Variants in WNK3 observed in about 807,000 individuals in gnomAD.
The protein encoded by WNK3 is serine/threonine-protein kinase WNK3.
A neutral mutation model predicts 116.7 loss-of-function variants in WNK3; 18 were observed. The observed-to-expected ratio is 0.15, with a 90% confidence interval of 0.11 to 0.23. The LOEUF (loss-of-function observed/expected upper bound fraction) is 0.23, where lower values mean the gene tolerates loss of function less well. WNK3 is among the 10% of genes least tolerant of loss of function. WNK3 has a pLI of 1.00. For synonymous variants in WNK3, 404 were observed against 469.4 expected (o/e 0.86, Z 1.80); for missense variants, 993 against 1,323.8 (o/e 0.75, Z 3.88).
At chrX:54,312,605 T>C (rs782765888) in intron 2 of WNK3, among the ~76,000 whole-genome samples, 4 of 109,443 alleles carry the variant, frequency 3.7e-5, no homozygotes, top group African/African-American at 1.3e-4. Context: ...GCCCGGCTAA[T>C]TTTTGTATTT....
chrX:54,223,816 G>A, intron 22 of WNK3: 1 of 134,098 alleles, frequency 7.5e-6, no homozygotes, highest in Non-Finnish European at 1.5e-5. Flanking sequence ...CTTCCTGCCT[G>A]CCCTGCATCA....
At chrX:54,281,315 T>A (rs1168511970) in intron 10 of WNK3, among the ~76,000 whole-genome samples, 1 of 109,933 alleles carries the variant, frequency 9.1e-6, no homozygotes, top group Non-Finnish European at 1.9e-5. Flanking sequence ...TGAAATCCCA[T>A]CTCTACTAAA....
chrX:54,226,812 C>T (rs1380785091), intron 22 of WNK3, among the ~76,000 whole-genome samples: 1 of 111,970 alleles, frequency 8.9e-6, no homozygotes, highest in Non-Finnish European at 1.9e-5. Flanking sequence ...TGCACTCCAG[C>T]CTGGGCGACG....
intron 18 of WNK3, 87 bp from the exon 19 acceptor site, chrX:54,238,559 T>A: frequency 1.1e-6 from 1 of 942,899 alleles, no homozygotes; most frequent in Non-Finnish European, 1.4e-6. Flanking sequence ...TGAAGAAAAG[T>A]AGAAAAAGCT....
rs1557165355 is a variant in WNK3, at chrX:54,292,869, C to T, written c.2037+19G>A. On this transcript the variant is annotated intron_variant, in intron 10 of 23. Coordinates refer to ENST00000354646, the Ensembl canonical transcript of WNK3. ...TTAATTTGTTTAAATGAATACAGAA[C>T]CTCTAAAATGTGTCTTACCTTTATC... The T allele has an allele frequency of 3.3e-6, 4 of 1,200,384 alleles. No individual in the cohort carries two copies. Among genetic ancestry groups the T allele is most frequent in the East Asian group, 3.0e-5 (1 of 33,734 alleles).
At chrX:54,267,199 T>C (rs1269308184) in intron 10 of WNK3, among the ~76,000 whole-genome samples, 4 of 111,446 alleles carry the variant, frequency 3.6e-5, no homozygotes, top group East Asian at 2.8e-4. Flanking sequence ...ATGTGGCATG[T>C]ATACACCATA....
intron 10 of WNK3, among the ~76,000 whole-genome samples, chrX:54,278,740 T>C (rs2068479408): frequency 9.0e-6 from 1 of 111,433 alleles, no homozygotes; most frequent in South Asian, 3.7e-4. Flanking sequence ...ATATACAAGA[T>C]TAACATATTA....
In WNK3 at chrX:54,284,736, T is replaced by G. The variant is rs1352466052; in HGVS notation, c.2037+8152A>C. On this transcript the variant is annotated intron_variant, in intron 10 of 23. Transcript: ENST00000354646. ...CTATAATCCCAGCAGTTTGGGAGGC[T>G]GAGGCTGGCAGATCACCTGAGGTCA... is the stretch of plus-strand genomic sequence containing the variant. Among the ~76,000 whole-genome samples, 12 of 111,710 alleles carry G rather than the reference T, an allele frequency of 1.1e-4. No homozygotes were observed. The Admixed American group carries it at 1.1e-3, about 11-fold the overall frequency.
At chrX:54,278,095 G>GAAA (rs556765360) in intron 10 of WNK3, among the ~76,000 whole-genome samples, 1 of 55,603 alleles carries the variant, frequency 1.8e-5, no homozygotes. Context: ...CCCTGCCTCA[G>GAAA]AAAAAAAAAA....
intron 17 of WNK3, among the ~76,000 whole-genome samples, chrX:54,243,836 G>A (rs1292368737): frequency 8.9e-6 from 1 of 111,865 alleles, no homozygotes; most frequent in African/African-American, 3.2e-5. Flanking sequence ...ATGAATGTTC[G>A]TAGCAGCACT....
chrX:54,233,614 A>G (rs2067929433), intron 20 of WNK3, among the ~76,000 whole-genome samples: 1 of 110,290 alleles, frequency 9.1e-6, no homozygotes, highest in Non-Finnish European at 1.9e-5. Flanking sequence ...AAGATTAACA[A>G]ATTTCTAAAA....
intron 17 of WNK3, among the ~76,000 whole-genome samples, chrX:54,243,170 C>T (rs1197661938): frequency 1.1e-4 from 12 of 107,809 alleles, no homozygotes; most frequent in African/African-American, 4.0e-4. Flanking sequence ...AATTCCAGCA[C>T]TCTGGGAGGC....
At chrX:54,202,084 T>C in exon 23 of WNK3, 1 of 1,211,660 alleles carries the variant, frequency 8.3e-7, no homozygotes, top group Non-Finnish European at 1.1e-6. Context: ...TTCCTACTGC[T>C]TCCTTTGTCC....
At chrX:54,290,139 GC>G (rs2068623137) in intron 10 of WNK3, among the ~76,000 whole-genome samples, 1 of 111,247 alleles carries the variant, frequency 9.0e-6, no homozygotes, top group Non-Finnish European at 1.9e-5. Context: ...GGCCAGGCAT[GC>G]TGGTGTGCTC....
chrX:54,256,237 G>A (rs1474290333), intron 11 of WNK3, among the ~76,000 whole-genome samples: 1 of 111,355 alleles, frequency 9.0e-6, no homozygotes, highest in Non-Finnish European at 1.9e-5. Context: ...TTATTATAGG[G>A]TGCTCTTGAT....
chrX:54,335,671 A>G (rs1413762963), intron 1 of WNK3, among the ~76,000 whole-genome samples: 2 of 112,475 alleles, frequency 1.8e-5, no homozygotes, highest in Non-Finnish European at 3.7e-5. Flanking sequence ...AAACAAAATA[A>G]AAATAAAATA....
intron 22 of WNK3, among the ~76,000 whole-genome samples, chrX:54,208,969 C>G (rs1186417349): frequency 9.0e-6 from 1 of 111,659 alleles, no homozygotes; most frequent in Non-Finnish European, 1.9e-5. Context: ...ATGGTTTTCA[C>G]TGGGGGCTGG....
chrX:54,214,828 C>T (rs1417132012), intron 22 of WNK3, among the ~76,000 whole-genome samples: 3 of 111,086 alleles, frequency 2.7e-5, no homozygotes, highest in Non-Finnish European at 3.8e-5. Flanking sequence ...CTGGTTAACA[C>T]GGTGAGACCC....
At chrX:54,306,089 A>C (rs1219490161) in intron 5 of WNK3, among the ~76,000 whole-genome samples, 2 of 111,360 alleles carry the variant, frequency 1.8e-5, no homozygotes, top group East Asian at 5.6e-4. Context: ...GGTATACCGC[A>C]TGCATTAAAA....
Sources: gnomAD v4.1 joint callset for allele counts (sites outside exome capture counted in the v4.1 genomes callset) on GRCh38, gnomAD v4.1.1 for gene constraint, MANE v1.5 for transcripts, NCBI Gene and HGNC (gene_info 2026-07-23, HGNC 2026-07-21) for gene names.